RDX: variants seen among roughly 807,000 people sequenced by gnomAD.
RDX encodes radixin.
Under a neutral mutation model 83.7 loss-of-function variants are expected in RDX, and 32 were observed. The observed-to-expected ratio is 0.38, with a 90% CI of 0.29 to 0.51. The LOEUF is 0.51. Among genes scored for constraint, RDX ranks in the 20% least tolerant of loss-of-function variants. The pLI is 0.87. For synonymous variants in RDX, 229 were observed against 222.7 expected, an observed-to-expected ratio of 1.03 and a Z score of -0.25; for missense variants, 600 against 689.9, an observed-to-expected ratio of 0.87 and a Z score of 1.46.
intron 10 of RDX, among the ~76,000 whole-genome samples, chr11:110,239,758 C>T (rs1042458539): frequency 4.0e-5 from 6 of 151,600 alleles, no homozygotes; most frequent in Non-Finnish European, 1.5e-5. Flanking sequence ...CATGTAATCC[C>T]AGTTACTTGG....
intron 14 of RDX, among the ~76,000 whole-genome samples, chr11:110,221,232 C>T (rs2134276352): frequency 6.6e-6 from 1 of 152,238 alleles, no homozygotes; most frequent in Admixed American, 6.5e-5. Context: ...CATGAACTAT[C>T]ATTAGTACTT....
At chr11:110,216,540 TC>T (rs1425212745) in intron 14 of RDX, among the ~76,000 whole-genome samples, 86 of 122,582 alleles carry the variant, frequency 7.0e-4, no homozygotes, top group African/African-American at 2.4e-3. Flanking sequence ...CAATTTTTTT[TC>T]TTTTTTTTTT....
At chr11:110,209,768 G>T (rs1173067139) in intron 14 of RDX, among the ~76,000 whole-genome samples, 1 of 145,236 alleles carries the variant, frequency 6.9e-6, no homozygotes, top group Non-Finnish European at 1.5e-5. Context: ...CAGACCTGCA[G>T]CTGAGGGTCC....
At chr11:110,225,093 T>A (rs1864388021), downstream of RDX, among the ~76,000 whole-genome samples, 2 of 152,212 alleles carry the variant, frequency 1.3e-5, no homozygotes, top group African/African-American at 4.8e-5. Context: ...TTCTATCTAT[T>A]TACTTTCATT....
At chr11:110,242,904 T>C (rs964730115) in intron 10 of RDX, among the ~76,000 whole-genome samples, 1 of 150,938 alleles carries the variant, frequency 6.6e-6, no homozygotes, top group Non-Finnish European at 1.5e-5. Flanking sequence ...TACTGGAACA[T>C]AGCCACCCTC....
chr11:110,284,687 A>AT (rs921327261), intron 1 of RDX, among the ~76,000 whole-genome samples: 8 of 150,922 alleles, frequency 5.3e-5, no homozygotes, highest in Non-Finnish European at 8.9e-5. Flanking sequence ...CACCCGGCTA[A>AT]TTTTTTTTTG....
At chr11:110,258,299 A>G (rs1279918379) in intron 5 of RDX, 110 bp from the exon 6 acceptor site, 2 of 694,624 alleles carry the variant, frequency 2.9e-6, no homozygotes, top group African/African-American at 3.6e-5. Context: ...TTGTCAGACA[A>G]TTAATACACA....
At chr11:110,286,546 A>G (rs1347976025) in intron 1 of RDX, among the ~76,000 whole-genome samples, 2 of 152,246 alleles carry the variant, frequency 1.3e-5, no homozygotes, top group African/African-American at 4.8e-5. Context: ...AGTCTAGTCC[A>G]TGCAGTGCCT....
chr11:110,244,830 AAG>A (rs749812139), intron 10 of RDX, among the ~76,000 whole-genome samples: 187 of 152,176 alleles, frequency 1.2e-3, no homozygotes, highest in Non-Finnish European at 2.3e-3. Flanking sequence ...TTATAAGAAA[AAG>A]AGAAAAGGAG....
chr11:110,207,987 ATT>A (rs10709047), intron 14 of RDX, among the ~76,000 whole-genome samples: 1,530 of 147,462 alleles, frequency 0.01, 30 homozygotes, highest in African/African-American at 0.034. Context: ...GTTGAATCAG[ATT>A]TTTTTTTTTT....
intron 10 of RDX, among the ~76,000 whole-genome samples, chr11:110,241,278 T>C (rs1865089312): frequency 2.0e-5 from 3 of 152,064 alleles, no homozygotes; most frequent in Admixed American, 6.5e-5. Context: ...AGCTGGCCTA[T>C]CAAACTTTTC....
intron 14 of RDX, among the ~76,000 whole-genome samples, chr11:110,215,386 A>C (rs1233316552): frequency 6.7e-6 from 1 of 149,484 alleles, no homozygotes; most frequent in Non-Finnish European, 1.5e-5. Context: ...ATAAATAAAT[A>C]AATAAATAAA....
chr11:110,253,026 G>C (rs1306266750), intron 9 of RDX, among the ~76,000 whole-genome samples: 1 of 151,938 alleles, frequency 6.6e-6, no homozygotes, highest in Non-Finnish European at 1.5e-5. Flanking sequence ...ACTTCTCTAA[G>C]GAAGATAATT....
intron 14 of RDX, among the ~76,000 whole-genome samples, chr11:110,208,570 C>T (rs1461817524): frequency 1.3e-5 from 2 of 152,206 alleles, no homozygotes; most frequent in Admixed American, 6.5e-5. Context: ...CCACATCCAT[C>T]TTCACTTCTC....
rs528875455 is a variant in RDX at position 110,207,834 on chromosome 11, T to A, written c.1749-8156A>T. On this transcript the variant is annotated intron_variant, in intron 14 of 15. Transcript: ENST00000528498. The stretch of plus-strand genomic sequence containing the variant: ...AATGTTTAGTATCTGGGCCTTTTCA[T>A]AAAGATCATTTGCCCTATTTGCTCT... Among the ~76,000 whole-genome samples the A allele has an allele frequency of 2.0e-4, 31 of 152,326 alleles. 1 individual carries two copies. In the South Asian group the frequency reaches 5.0e-3, roughly 24 times the overall value.
chr11:110,246,498 G>A (rs1052911281), intron 10 of RDX, among the ~76,000 whole-genome samples: 1 of 152,162 alleles, frequency 6.6e-6, no homozygotes, highest in Admixed American at 6.5e-5. Context: ...CCCAGGGCCG[G>A]GCATGGTGGC....
chr11:110,216,826 T>C (rs1164172899), intron 14 of RDX, among the ~76,000 whole-genome samples: 1 of 152,180 alleles, frequency 6.6e-6, no homozygotes, highest in East Asian at 1.9e-4. Flanking sequence ...ATAGCTGACA[T>C]GTATAATCTG....
At chr11:110,192,561 C>A (rs993950777) in intron 15 of RDX, among the ~76,000 whole-genome samples, 6 of 152,178 alleles carry the variant, frequency 3.9e-5, no homozygotes, top group African/African-American at 1.4e-4. Context: ...GAGAAACTAT[C>A]AATAGAGTAA....
At chr11:110,215,501 AG>A (rs1864018399) in intron 14 of RDX, among the ~76,000 whole-genome samples, 1 of 152,162 alleles carries the variant, frequency 6.6e-6, no homozygotes. Context: ...TCTTGAAAAC[AG>A]GAGCACTAAA....
Sources: allele counts gnomAD v4.1 joint callset (sites outside exome capture counted in the v4.1 genomes callset), GRCh38; gene constraint gnomAD v4.1.1; transcripts MANE v1.5; gene names NCBI Gene and HGNC (gene_info 2026-07-23, HGNC 2026-07-21).